Variants in PTCHD4 observed in about 807,000 individuals in gnomAD.
The protein encoded by PTCHD4 is patched domain-containing protein 4.
A neutral mutation model predicts 58.1 loss-of-function variants in PTCHD4; 33 were observed. The observed-to-expected ratio is 0.57, with a 90% CI of 0.43 to 0.76. PTCHD4 has a LOEUF of 0.76. Among genes scored for constraint, PTCHD4 ranks in the 30% least tolerant of loss-of-function variants. The probability of loss-of-function intolerance (pLI) is 0.00; values close to 1 mark genes in which losing one functional copy is unlikely to be tolerated. For missense variants in PTCHD4, 1,058 were observed against 1,027.1 expected, an observed-to-expected ratio of 1.03 and a Z score of -0.41; for synonymous variants, 478 against 409.6, an observed-to-expected ratio of 1.17 and a Z score of -2.02.
At chr6:47,895,655 C>T (rs1764508179) in intron 4 of PTCHD4, among the ~76,000 whole-genome samples, 1 of 152,178 alleles carries the variant, frequency 6.6e-6, no homozygotes, top group African/African-American at 2.4e-5. Context: ...TATCCTCCTT[C>T]CACGTGCCCA....
At chr6:47,991,990 G>C (rs1049741194) in intron 4 of PTCHD4, among the ~76,000 whole-genome samples, 1 of 151,920 alleles carries the variant, frequency 6.6e-6, no homozygotes, top group Non-Finnish European at 1.5e-5. Flanking sequence ...TTATTTTGAA[G>C]GAACTAAAGG....
At chr6:48,018,614 G>T (rs1762948477) in intron 3 of PTCHD4, among the ~76,000 whole-genome samples, 1 of 152,154 alleles carries the variant, frequency 6.6e-6, no homozygotes, top group South Asian at 2.1e-4. Flanking sequence ...CTGTAGCCCA[G>T]ATGAATTAAA....
intron 4 of PTCHD4, among the ~76,000 whole-genome samples, chr6:47,890,568 G>C (rs1764345930): frequency 6.6e-6 from 1 of 152,190 alleles, no homozygotes; most frequent in Admixed American, 6.5e-5. Context: ...AACACAGTAA[G>C]TGCTACATTG....
rs907098487 is a variant in PTCHD4 at position 47,866,446 on chromosome 6, T to C, written c.*11857A>G. Among the ~76,000 whole-genome samples, 3 of 151,818 alleles carry C rather than the reference T, an allele frequency of 2.0e-5. No homozygotes were observed. Among genetic ancestry groups the C allele is most frequent in the Non-Finnish European group, 4.4e-5 (3 of 67,856 alleles). On this transcript the variant is annotated 3_prime_UTR_variant, in exon 5 of 5. Transcript: ENST00000339488. ...TTTTGAGAACCACTAGCTTTGTTACTCCTAGGGTTATCCAAAATGTCTCTT... is the reference window on the plus strand; with the variant it reads ...TTTTGAGAACCACTAGCTTTGTTACCCCTAGGGTTATCCAAAATGTCTCTT...
intron 1 of PTCHD4, among the ~76,000 whole-genome samples, chr6:48,101,782 A>C (rs566748825): frequency 6.6e-6 from 1 of 152,302 alleles, no homozygotes; most frequent in African/African-American, 2.4e-5. Flanking sequence ...AAACAACAAA[A>C]GAAAGGAAGC....
chr6:48,033,080 A>G (rs1763507988), intron 3 of PTCHD4, among the ~76,000 whole-genome samples: 1 of 152,094 alleles, frequency 6.6e-6, no homozygotes, highest in South Asian at 2.1e-4. Flanking sequence ...CAGGGTTATG[A>G]TTATAAAAAG....
chr6:47,900,207 A>C (rs1355317224), intron 4 of PTCHD4: 3 of 152,198 alleles, frequency 2.0e-5, no homozygotes, highest in Non-Finnish European at 4.4e-5. Flanking sequence ...GAACTGTCAG[A>C]CTATTTTCCA....
rs1044794539 is a variant in PTCHD4, at chr6:47,885,828, CT to C, written c.899-5893del. On this transcript the variant is annotated intron_variant, in intron 4 of 4. Transcript: ENST00000339488. ...GCCTAAAGAGAAGTTTTTCTTTTTT[CT>C]TTTTTTTGAGACGGAGTCTCACTCT... Among the ~76,000 whole-genome samples the C allele has an allele frequency of 7.5e-4, 114 of 151,562 alleles. 1 individual carries two copies. In the Middle Eastern group the frequency reaches 0.014, roughly 18 times the overall value.
At chr6:47,966,542 AT>A (rs966374571) in intron 4 of PTCHD4, among the ~76,000 whole-genome samples, 1 of 152,264 alleles carries the variant, frequency 6.6e-6, no homozygotes, top group East Asian at 1.9e-4. Context: ...TCCATGAAAG[AT>A]TTTTTTGTAG....
chr6:47,913,664 C>G (rs77976977), intron 4 of PTCHD4, among the ~76,000 whole-genome samples: 85,511 of 151,108 alleles, frequency 0.57, 25,379 homozygotes, highest in East Asian at 0.78. Flanking sequence ...TAAGCAGTGA[C>G]CCCAGTGCAC....
At chr6:48,067,331 T>A (rs1028295336) in intron 3 of PTCHD4, among the ~76,000 whole-genome samples, 1 of 152,240 alleles carries the variant, frequency 6.6e-6, no homozygotes, top group African/African-American at 2.4e-5. Context: ...CCGTTCTTTG[T>A]AAATTTTGCT....
At chr6:47,929,381 C>T (rs942999499) in intron 4 of PTCHD4, among the ~76,000 whole-genome samples, 1 of 152,166 alleles carries the variant, frequency 6.6e-6, no homozygotes, top group East Asian at 1.9e-4. Context: ...TTAACCTTTA[C>T]ACTGATATTT....
chr6:48,083,524 C>A (rs1176319625), intron 1 of PTCHD4, among the ~76,000 whole-genome samples: 2 of 151,972 alleles, frequency 1.3e-5, no homozygotes, highest in Admixed American at 6.6e-5. Flanking sequence ...TGTTCTATAA[C>A]AAAAGGGACA....
intron 4 of PTCHD4, among the ~76,000 whole-genome samples, chr6:47,939,370 C>G (rs1020226229): frequency 6.6e-6 from 1 of 151,950 alleles, no homozygotes; most frequent in African/African-American, 2.4e-5. Context: ...ACATGGCCTA[C>G]AGGTACATTA....
In PTCHD4 at chr6:47,879,196, A is replaced by G; in HGVS notation, c.1639T>C (p.Trp547Arg). The stretch of plus-strand genomic sequence containing the variant: ...AGGAACTGGTAGTACTGCTCCACCC[A>G]GGACACTGCAGTGAATCCACTACAG... Reference protein sequence around the residue: ...RLCSGFTAVSWVEQYYQFLKV... With the variant: ...RLCSGFTAVSRVEQYYQFLKV... The change falls in exon 5 of 5, where the codon TGG becomes CGG. Residue 547 changes from tryptophan to arginine, a missense_variant. Transcript: ENST00000339488. 1 of 1,612,690 alleles carries G rather than the reference A, an allele frequency of 6.2e-7. No homozygotes were observed. Among genetic ancestry groups the G allele is most frequent in the Non-Finnish European group, 8.5e-7 (1 of 1,179,686 alleles).
chr6:48,035,811 C>A (rs866144579), intron 3 of PTCHD4, among the ~76,000 whole-genome samples: 11 of 152,276 alleles, frequency 7.2e-5, no homozygotes, highest in Middle Eastern at 6.8e-3. Flanking sequence ...GCCAGAATCT[C>A]CCTTGCCACT....
chr6:48,081,459 C>T (rs1765165501), intron 1 of PTCHD4, among the ~76,000 whole-genome samples: 1 of 152,150 alleles, frequency 6.6e-6, no homozygotes, highest in South Asian at 2.1e-4. Flanking sequence ...TATTTAACCA[C>T]TCTAAACTTT....
chr6:47,963,522 A>G (rs1264499842), intron 4 of PTCHD4, among the ~76,000 whole-genome samples: 1 of 152,228 alleles, frequency 6.6e-6, no homozygotes, highest in Non-Finnish European at 1.5e-5. Flanking sequence ...TCTCCGAGAG[A>G]TATCTGCACT....
rs541811536 is a variant in PTCHD4 at position 47,868,957 on chromosome 6, G to A, written c.*9346C>T. On this transcript the variant is annotated 3_prime_UTR_variant, in exon 5 of 5. Coordinates refer to ENST00000339488, the MANE Select transcript of PTCHD4 (RefSeq NM_001384253.1). Reference sequence around the variant, plus strand: ...CATCCTTGTTTTTAAGAAAACATACGGCAAACTATATAAAATGAAATATTA... The same window carrying A: ...CATCCTTGTTTTTAAGAAAACATACAGCAAACTATATAAAATGAAATATTA... Among the ~76,000 whole-genome samples the A allele has an allele frequency of 3.2e-4, 48 of 151,574 alleles. No homozygotes were observed. The highest frequency in any genetic ancestry group is 1.1e-3 in the African/African-American group (44 of 41,406).
Sources: allele counts gnomAD v4.1 joint callset (sites outside exome capture counted in the v4.1 genomes callset), GRCh38; gene constraint gnomAD v4.1.1; transcripts MANE v1.5; gene names NCBI Gene and HGNC (gene_info 2026-07-23, HGNC 2026-07-21).